ACBD6: variants seen among roughly 807,000 people sequenced by gnomAD.
ACBD6 encodes the protein acyl-CoA binding domain containing 6.
A neutral mutation model predicts 37.2 loss-of-function variants in ACBD6; 28 were observed. The observed-to-expected ratio is 0.75, with a 90% CI of 0.56 to 1.03. ACBD6 has a LOEUF of 1.03. Ranked by LOEUF, ACBD6 falls within the 50% of genes least tolerant of loss-of-function variation. The probability of loss-of-function intolerance (pLI) is 0.00; values close to 1 mark genes in which losing one functional copy is unlikely to be tolerated. For missense variants in ACBD6, 340 were observed against 337.4 expected, an observed-to-expected ratio of 1.01 and a Z score of -0.06; for synonymous variants, 113 against 126.8, an observed-to-expected ratio of 0.89 and a Z score of 0.73.
chr1:180,488,366 T>C (rs890590894), intron 3 of ACBD6, among the ~76,000 whole-genome samples: 1 of 152,204 alleles, frequency 6.6e-6, no homozygotes, highest in Non-Finnish European at 1.5e-5. Flanking sequence ...TTTTTAAAGA[T>C]GAATTTTAAA....
intron 6 of ACBD6, among the ~76,000 whole-genome samples, chr1:180,324,409 T>C (rs1401782631): frequency 6.6e-6 from 1 of 152,098 alleles, no homozygotes; most frequent in Admixed American, 6.5e-5. Flanking sequence ...ATCATGAGGC[T>C]TGCAAGTATC....
chr1:180,441,265 G>C (rs1398451168), intron 3 of ACBD6, among the ~76,000 whole-genome samples: 1 of 152,134 alleles, frequency 6.6e-6, no homozygotes, highest in Non-Finnish European at 1.5e-5. Context: ...AAAATCAACT[G>C]ACCATAAACT....
exon 14 of ACBD6, chr1:180,271,944 A>G: frequency 6.2e-7 from 1 of 1,613,328 alleles, no homozygotes; most frequent in Non-Finnish European, 8.5e-7. Context: ...GGCAGCAGCA[A>G]GCAGGAGAAG....
At chr1:180,389,202 C>T (rs1168127028) in intron 6 of ACBD6, among the ~76,000 whole-genome samples, 1 of 152,182 alleles carries the variant, frequency 6.6e-6, no homozygotes, top group East Asian at 1.9e-4. Flanking sequence ...CTTCCTGTGT[C>T]CATGCGTTCT....
chr1:180,291,419 A>G (rs960470076), intron 7 of ACBD6, among the ~76,000 whole-genome samples: 8 of 152,208 alleles, frequency 5.3e-5, no homozygotes, highest in African/African-American at 1.7e-4. Flanking sequence ...AGTTAGGTCT[A>G]TGGTGGCTTT....
intron 6 of ACBD6, among the ~76,000 whole-genome samples, chr1:180,370,619 T>C (rs1483159709): frequency 6.6e-6 from 1 of 152,210 alleles, no homozygotes; most frequent in Non-Finnish European, 1.5e-5. Flanking sequence ...ATTATATACA[T>C]ATAAAGTGTA....
chr1:180,365,724 T>C lies in ACBD6; in HGVS notation c.663+31792A>G, dbSNP rs186820141. Among the ~76,000 whole-genome samples the C allele has an allele frequency of 1.2e-3, 178 of 152,320 alleles. 2 individuals are homozygous for C. Among genetic ancestry groups the C allele is most frequent in the Admixed American group, 0.01 (158 of 15,294 alleles). On this transcript the variant is annotated intron_variant, in intron 6 of 7. Coordinates refer to ENST00000367595, the MANE Select transcript of ACBD6 (RefSeq NM_032360.4). ...TACGGTCCACAATAGCCGTCAAATT[T>C]TCTACTGATGATATTTGTGCATAAA...
At chr1:180,378,437 T>C (rs1653520909) in intron 6 of ACBD6, among the ~76,000 whole-genome samples, 2 of 152,226 alleles carry the variant, frequency 1.3e-5, no homozygotes, top group South Asian at 2.1e-4. Flanking sequence ...ATAAGGTCTG[T>C]AATTTAAACA....
chr1:180,282,102 T>C (rs1347315445), intron 8 of ACBD6, among the ~76,000 whole-genome samples: 1 of 152,234 alleles, frequency 6.6e-6, no homozygotes, highest in Non-Finnish European at 1.5e-5. Flanking sequence ...ATAAAAGTAT[T>C]ACACACAAAC....
At chr1:180,303,228 T>C (rs1650203503) in intron 7 of ACBD6, among the ~76,000 whole-genome samples, 1 of 149,858 alleles carries the variant, frequency 6.7e-6, no homozygotes, top group Non-Finnish European at 1.5e-5. Context: ...ATTCAAAAGC[T>C]AGCAGAAGGC....
rs921355575 is a variant in ACBD6 at position 180,444,143 on chromosome 1, A to G, written c.385-13881T>C. On this transcript the variant is annotated intron_variant, in intron 3 of 7. Transcript: ENST00000367595. ...GCAGTAATGTAATATAATTTACTTA[A>G]CCATTATCTAACAGTTGTATATTAG... Among the ~76,000 whole-genome samples, 5 of 152,066 alleles carry G rather than the reference A, an allele frequency of 3.3e-5. No homozygotes were observed. In the East Asian group the frequency reaches 9.6e-4, roughly 29 times the overall value.
chr1:180,352,471 G>A (rs749915828), intron 6 of ACBD6, among the ~76,000 whole-genome samples: 1 of 151,964 alleles, frequency 6.6e-6, no homozygotes, highest in Non-Finnish European at 1.5e-5. Flanking sequence ...TTACAGGTGT[G>A]AGCCTCCGCA....
intron 7 of ACBD6, among the ~76,000 whole-genome samples, chr1:180,301,637 G>A (rs1252228897): frequency 6.6e-6 from 1 of 151,934 alleles, no homozygotes; most frequent in South Asian, 2.1e-4. Flanking sequence ...TTTCCTTCTC[G>A]GGAACACTTC....
At chr1:180,440,616 A>T (rs1649243799) in intron 3 of ACBD6, among the ~76,000 whole-genome samples, 1 of 142,882 alleles carries the variant, frequency 7.0e-6, no homozygotes, top group East Asian at 2.1e-4. Context: ...CCTCTCCCCC[A>T]AACCTTTAGC....
At chr1:180,322,200 T>C (rs879107038) in intron 6 of ACBD6, among the ~76,000 whole-genome samples, 1 of 152,148 alleles carries the variant, frequency 6.6e-6, no homozygotes, top group Non-Finnish European at 1.5e-5. Context: ...CTTGCATCCC[T>C]GTAATAAAAC....
chr1:180,389,915 T>C (rs1654005013), intron 6 of ACBD6, among the ~76,000 whole-genome samples: 1 of 152,184 alleles, frequency 6.6e-6, no homozygotes, highest in African/African-American at 2.4e-5. Context: ...CTTTGTCAGA[T>C]GAGTAGGTTG....
intron 2 of ACBD6, among the ~76,000 whole-genome samples, chr1:180,493,247 C>CAAAAAAAAAAAAAA (rs71121023): frequency 4.2e-4 from 20 of 47,786 alleles, no homozygotes; most frequent in South Asian, 1.2e-3. Flanking sequence ...AATTCTGTCT[C>CAAAAAAAAAAAAAA]AAAAAAAAAA....
chr1:180,474,825 A>C (rs1650719445), intron 3 of ACBD6, among the ~76,000 whole-genome samples: 1 of 152,264 alleles, frequency 6.6e-6, no homozygotes, highest in Non-Finnish European at 1.5e-5. Flanking sequence ...ACTGGATTTC[A>C]AATCCAAATC....
intron 3 of ACBD6, among the ~76,000 whole-genome samples, chr1:180,487,987 C>A (rs1312440828): frequency 6.6e-6 from 1 of 151,892 alleles, no homozygotes; most frequent in Non-Finnish European, 1.5e-5. Flanking sequence ...TAAGGAGGGA[C>A]CACTGCATAA....
Sources: gnomAD v4.1 joint callset for allele counts (sites outside exome capture counted in the v4.1 genomes callset) on GRCh38, gnomAD v4.1.1 for gene constraint, MANE v1.5 for transcripts, NCBI Gene and HGNC (gene_info 2026-07-23, HGNC 2026-07-21) for gene names.